PDGFA: variants seen among roughly 807,000 people sequenced by gnomAD.
The protein encoded by PDGFA is platelet derived growth factor subunit A, also known as platelet-derived growth factor subunit A.
Under a neutral mutation model 25.6 loss-of-function variants are expected in PDGFA, and 9 were observed. The observed-to-expected ratio is 0.35, with a 90% CI of 0.21 to 0.61. The LOEUF (loss-of-function observed/expected upper bound fraction) is 0.61, where lower values mean the gene tolerates loss of function less well. Ranked by LOEUF, PDGFA falls within the 20% of genes least tolerant of loss-of-function variation. The probability of loss-of-function intolerance (pLI) is 0.75; values close to 1 mark genes in which losing one functional copy is unlikely to be tolerated. For synonymous variants in PDGFA, 133 were observed against 111.8 expected, an observed-to-expected ratio of 1.19 and a Z score of -1.20; for missense variants, 242 against 272.8, an observed-to-expected ratio of 0.89 and a Z score of 0.79.
Position 517,974 on chromosome 7 carries a change from A to T in PDGFA, c.64-484T>A, listed in dbSNP as rs955914541. Among the ~76,000 whole-genome samples, 1 of 152,088 alleles carries T rather than the reference A, an allele frequency of 6.6e-6. No individual in the cohort carries two copies. The highest frequency in any genetic ancestry group is 1.5e-5 in the Non-Finnish European group (1 of 68,024). On this transcript the variant is annotated intron_variant, in intron 1 of 5. Coordinates refer to ENST00000402802, the Ensembl canonical transcript of PDGFA. This position sits in a 1 kb window ranked among gnomAD's most constrained non-coding sequence, Gnocchi z 7.4. ...CCGGAATCCCGGGCCGAACCCGTGG[A>T]GAGGTCTCTCCGTCTCACAAACACA...
upstream of PDGFA, chr7:519,922 C>CT (rs1783299355): frequency 8.3e-6 from 1 of 120,648 alleles, no homozygotes; most frequent in South Asian, 2.8e-4. Flanking sequence ...CCGCCCCCCC[C>CT]CCCCGCCTCC....
At chr7:508,473 T>C (rs1366472204) in intron 4 of PDGFA, among the ~76,000 whole-genome samples, 1 of 140,734 alleles carries the variant, frequency 7.1e-6, no homozygotes, top group Non-Finnish European at 1.5e-5. Context: ...GGTGGGAGGA[T>C]AGCTTCAGCC....
intron 4 of PDGFA, among the ~76,000 whole-genome samples, 174 bp from the exon 5 acceptor site, chr7:501,416 C>G (rs1251144153): frequency 6.6e-6 from 1 of 152,160 alleles, no homozygotes; most frequent in Non-Finnish European, 1.5e-5. Flanking sequence ...GAAAAACCTA[C>G]AAGCTGCAGT....
chr7:500,994 C>T lies in PDGFA; in HGVS notation c.580+122G>A. 2 of 1,603,462 alleles carry T rather than the reference C, an allele frequency of 1.2e-6. No individual in the cohort carries two copies. Among genetic ancestry groups the T allele is most frequent in the Non-Finnish European group, 1.7e-6 (2 of 1,179,068 alleles). ...CCCGGGAGCAGGGCAACGAATCCTT[C>T]AACAGCAGCCCAGATGCTCACAGCA... On this transcript the variant is annotated intron_variant, in intron 5 of 5. Coordinates refer to ENST00000402802, the Ensembl canonical transcript of PDGFA. The surrounding 1 kb of genome is among the most constrained non-coding windows in gnomAD (Gnocchi z 5.0).
exon 5 of PDGFA, chr7:501,174 A>G (rs773507180): frequency 1.2e-6 from 2 of 1,614,176 alleles, no homozygotes; most frequent in Non-Finnish European, 1.7e-6. Flanking sequence ...CGCACTCCAA[A>G]TGCTCCTCTA....
At chr7:511,707 C>G (rs906700946) in intron 3 of PDGFA, among the ~76,000 whole-genome samples, 1 of 152,088 alleles carries the variant, frequency 6.6e-6, no homozygotes, top group South Asian at 2.1e-4. Flanking sequence ...GTGGGACCCC[C>G]GAGGACGCGG....
chr7:510,980 A>G (rs757831707), exon 4 of PDGFA: 2 of 1,612,468 alleles, frequency 1.2e-6, no homozygotes, highest in East Asian at 2.2e-5. Flanking sequence ...TCTTGCAGAC[A>G]GCGGGGACAG....
At chr7:519,806 C>G (rs1783289228), upstream of PDGFA, among the ~76,000 whole-genome samples, 2 of 148,548 alleles carry the variant, frequency 1.3e-5, no homozygotes, top group South Asian at 2.1e-4. Context: ...GGCGCAGGCC[C>G]GGCTCGCCGG....
At chr7:510,939 C>G (rs369116190) in exon 4 of PDGFA, 16 of 1,612,822 alleles carry the variant, frequency 9.9e-6, no homozygotes, top group Non-Finnish European at 1.2e-5. Flanking sequence ...GTCGACCTGA[C>G]TCCGAGGAAT....
chr7:510,871 C>A (rs1425646245), exon 4 of PDGFA: 1 of 1,611,430 alleles, frequency 6.2e-7, no homozygotes, highest in Admixed American at 1.7e-5. Flanking sequence ...TTGCAGCAGC[C>A]GGTGCAGCGT....
chr7:516,141 C>T (rs1783088064), intron 2 of PDGFA, among the ~76,000 whole-genome samples: 1 of 146,914 alleles, frequency 6.8e-6, no homozygotes, highest in Non-Finnish European at 1.5e-5. Flanking sequence ...CTAGAGTTAT[C>T]CACTGAGGGA....
At chr7:518,656 C>T in intron 1 of PDGFA, 1 of 371,872 alleles carries the variant, frequency 2.7e-6, no homozygotes. Context: ...TGCGCCCCAG[C>T]TCCCCTTCCC....
At chr7:519,037 G>T (rs1422795074) in exon 1 of PDGFA, 1 of 1,490,736 alleles carries the variant, frequency 6.7e-7, no homozygotes, top group Non-Finnish European at 9.0e-7. Context: ...GAGGAGAGGC[G>T]AGGCCGCGGG....
At chr7:519,955 C>A, upstream of PDGFA, 1 of 223,146 alleles carries the variant, frequency 4.5e-6, no homozygotes, top group Non-Finnish European at 8.8e-6. Flanking sequence ...GCCTGGGACC[C>A]GCACCTCGGA....
At chr7:502,692 G>A (rs1314349473) in intron 4 of PDGFA, among the ~76,000 whole-genome samples, 1 of 152,034 alleles carries the variant, frequency 6.6e-6, no homozygotes, top group Non-Finnish European at 1.5e-5. Context: ...CCCTTCCCCG[G>A]GGAGCTGCAG....
intron 3 of PDGFA, 42 bp from the exon 4 acceptor site, chr7:511,038 G>C: frequency 6.5e-7 from 1 of 1,531,342 alleles, no homozygotes; most frequent in South Asian, 1.1e-5. Context: ...CGGCCTCTGC[G>C]ACCACGGCCC....
At position 517,528 on chromosome 7, in the gene PDGFA, C is replaced by G. The variant is rs940121183; in HGVS notation, c.64-38G>C. ...GCCACACGGTCAGCGCCCGCGGCCC[C>G]GACCCCGCCGGCACGCGCCCCCGGC... On this transcript the variant is annotated intron_variant, in intron 1 of 5. Transcript: ENST00000402802. The surrounding 1 kb of genome is among the most constrained non-coding windows in gnomAD (Gnocchi z 7.4). 1.1e-5 allele frequency: 11 copies of G among 1,013,300 alleles called. No individual in the cohort carries two copies. The African/African-American group carries it at 1.7e-4, about 16-fold the overall frequency. The allele number at this position is 1,013,300 out of a possible 1,614,324, so 62.8% of individuals were successfully genotyped here.
In PDGFA at chr7:500,385, A is replaced by C. The variant is rs1583137003; in HGVS notation, c.580+731T>G. 6.3e-7 allele frequency: 1 copy of C among 1,597,794 alleles called. No individual in the cohort carries two copies. On this transcript the variant is annotated intron_variant, in intron 5 of 5. Transcript: ENST00000402802. The surrounding 1 kb of genome is among the most constrained non-coding windows in gnomAD (Gnocchi z 5.0). Reference sequence around the variant, plus strand: ...TTTGCTGGTGTGATCAGTCAGTTGCACCTCCCCGCCCTGCAGGACTCAGTG... The same window carrying C: ...TTTGCTGGTGTGATCAGTCAGTTGCCCCTCCCCGCCCTGCAGGACTCAGTG...
At chr7:516,878 G>A (rs1471122936) in intron 2 of PDGFA, among the ~76,000 whole-genome samples, 2 of 152,192 alleles carry the variant, frequency 1.3e-5, no homozygotes. Context: ...TGCAGCCACA[G>A]AGGCCCAGCC....
Sources: allele counts gnomAD v4.1 joint callset (sites outside exome capture counted in the v4.1 genomes callset), GRCh38; gene constraint gnomAD v4.1.1; non-coding constraint Gnocchi (gnomAD v3.1); transcripts MANE v1.5; gene names NCBI Gene and HGNC (gene_info 2026-07-23, HGNC 2026-07-21).